Variants in MAN1C1 observed in about 807,000 individuals in gnomAD.
MAN1C1 encodes mannosidase alpha class 1C member 1.
Under a neutral mutation model 71.5 loss-of-function variants are expected in MAN1C1, and 49 were observed. The ratio of observed to expected loss-of-function variants is 0.69; its 90% CI spans 0.54 to 0.87. The LOEUF is 0.87. Among genes scored for constraint, MAN1C1 ranks in the 40% least tolerant of loss-of-function variants. The pLI, the probability that MAN1C1 is intolerant of heterozygous loss-of-function variation, is 0.00. For missense variants in MAN1C1, 743 were observed against 835.0 expected (o/e 0.89, Z 1.36); for synonymous variants, 352 against 343.7 (o/e 1.02, Z -0.27).
chr1:25,754,725 G>A (rs780766600), intron 5 of MAN1C1, among the ~76,000 whole-genome samples: 18 of 152,160 alleles, frequency 1.2e-4, no homozygotes, highest in Non-Finnish European at 2.2e-4. Context: ...CGGGTCTGGG[G>A]TAGGACATCA....
chr1:25,666,218 T>C (rs908412403), intron 1 of MAN1C1, among the ~76,000 whole-genome samples: 1 of 152,216 alleles, frequency 6.6e-6, no homozygotes, highest in Non-Finnish European at 1.5e-5. Flanking sequence ...TTTAGACTTT[T>C]AACGGTTTAA....
intron 7 of MAN1C1, among the ~76,000 whole-genome samples, chr1:25,768,035 C>T (rs1191219659): frequency 1.6e-5 from 2 of 124,754 alleles, no homozygotes; most frequent in African/African-American, 6.5e-5. Flanking sequence ...ACCCACACTC[C>T]CCTCACATAC....
At chr1:25,690,700 A>C (rs1230584879) in intron 2 of MAN1C1, among the ~76,000 whole-genome samples, 1 of 151,996 alleles carries the variant, frequency 6.6e-6, no homozygotes. Flanking sequence ...CTGGGTGGAA[A>C]CTCTGGGTTA....
chr1:25,671,515 A>G (rs1398217306), intron 1 of MAN1C1, among the ~76,000 whole-genome samples: 1 of 152,186 alleles, frequency 6.6e-6, no homozygotes, highest in Admixed American at 6.5e-5. Context: ...GGTGTTAGGT[A>G]TTGTCACTGA....
Position 25,730,016 on chromosome 1 carries a change from T to A in MAN1C1, c.638-16652T>A, listed in dbSNP as rs573139087. 6.6e-6 allele frequency among the ~76,000 whole-genome samples: 1 copy of A among 152,210 alleles called. No individual in the cohort carries two copies. The highest frequency in any genetic ancestry group is 6.5e-5 in the Admixed American group (1 of 15,286). On this transcript the variant is annotated intron_variant, in intron 2 of 11. Coordinates refer to ENST00000374332, the MANE Select transcript of MAN1C1 (RefSeq NM_020379.4). This position sits in a 1 kb window ranked among gnomAD's most constrained non-coding sequence, Gnocchi z 4.3. ...TTTACTTGCTGTTTTGCTGGGAAATTGCTTACTGTCTTTCTGAGAAAGCAG... is the reference window on the plus strand; with the variant it reads ...TTTACTTGCTGTTTTGCTGGGAAATAGCTTACTGTCTTTCTGAGAAAGCAG...
chr1:25,677,638 A>G (rs2046088454), intron 1 of MAN1C1, among the ~76,000 whole-genome samples: 1 of 152,148 alleles, frequency 6.6e-6, no homozygotes. Context: ...AGACATGGTT[A>G]TCTCTGTGCT....
At chr1:25,658,118 G>T (rs1461317822) in intron 1 of MAN1C1, among the ~76,000 whole-genome samples, 5 of 152,236 alleles carry the variant, frequency 3.3e-5, no homozygotes, top group African/African-American at 7.2e-5. Context: ...TCCTGTGCAG[G>T]GTGGCCTAGT....
intron 1 of MAN1C1, among the ~76,000 whole-genome samples, chr1:25,620,895 A>G (rs1033843841): frequency 2.0e-5 from 3 of 152,222 alleles, no homozygotes; most frequent in Non-Finnish European, 4.4e-5. Context: ...GGTTCTGGGC[A>G]TGCATATGTC....
intron 4 of MAN1C1, among the ~76,000 whole-genome samples, chr1:25,751,526 C>A (rs1304326022): frequency 6.6e-6 from 1 of 152,244 alleles, no homozygotes; most frequent in Non-Finnish European, 1.5e-5. Flanking sequence ...ACTTGAAAAA[C>A]AGCTCAAAAG....
Position 25,778,421 on chromosome 1 carries a change from C to G in MAN1C1, c.1477+97C>G. The G allele has an allele frequency of 1.6e-6, 2 of 1,243,824 alleles. No homozygotes were observed. The allele number at this position is 1,243,824 out of a possible 1,614,324, so 77.0% of individuals were successfully genotyped here. ...AGCAGTGAGCGAAGGGAGCACATGG[C>G]CTTAGGGAAGCCTCCCCTTGGAAGT... On this transcript the variant is annotated intron_variant, in intron 9 of 11. Coordinates refer to ENST00000374332, the MANE Select transcript of MAN1C1 (RefSeq NM_020379.4). This position sits in a 1 kb window ranked among gnomAD's most constrained non-coding sequence, Gnocchi z 5.5.
chr1:25,708,068 G>A (rs538086203), intron 2 of MAN1C1, among the ~76,000 whole-genome samples: 2 of 152,332 alleles, frequency 1.3e-5, no homozygotes, highest in African/African-American at 4.8e-5. Context: ...AATTTGGGGC[G>A]AGTCCATAAA....
Position 25,631,723 on chromosome 1 carries a change from C to T in MAN1C1, c.540+13386C>T, listed in dbSNP as rs1241609414. On this transcript the variant is annotated intron_variant, in intron 1 of 11. Transcript: ENST00000374332. This position sits in a 1 kb window ranked among gnomAD's most constrained non-coding sequence, Gnocchi z 4.2. The stretch of plus-strand genomic sequence containing the variant: ...GTAGTTTTCCTTATTTTTGTTATGT[C>T]CTTTCCTGGTTTTGTTATGAAAGTG... Among the ~76,000 whole-genome samples, 2 of 152,044 alleles carry T rather than the reference C, an allele frequency of 1.3e-5. No homozygotes were observed. Among genetic ancestry groups the T allele is most frequent in the Non-Finnish European group, 2.9e-5 (2 of 67,994 alleles).
chr1:25,746,067 G>A lies in MAN1C1; in HGVS notation c.638-601G>A, dbSNP rs1006972565. Among the ~76,000 whole-genome samples, 1 of 152,110 alleles carries A rather than the reference G, an allele frequency of 6.6e-6. No homozygotes were observed. The highest frequency in any genetic ancestry group is 2.4e-5 in the African/African-American group (1 of 41,428). On this transcript the variant is annotated intron_variant, in intron 2 of 11. Coordinates refer to ENST00000374332, the MANE Select transcript of MAN1C1 (RefSeq NM_020379.4). This position sits in a 1 kb window ranked among gnomAD's most constrained non-coding sequence, Gnocchi z 4.0. Reference sequence around the variant, plus strand: ...ACGCCTGTAATCCAGCACTTTGGGAGGCCGAAGTGGGTGGATCACTTGAGG... The same window carrying A: ...ACGCCTGTAATCCAGCACTTTGGGAAGCCGAAGTGGGTGGATCACTTGAGG...
intron 1 of MAN1C1, among the ~76,000 whole-genome samples, chr1:25,677,868 T>C (rs1356238714): frequency 6.7e-6 from 1 of 148,466 alleles, no homozygotes; most frequent in Non-Finnish European, 1.5e-5. Context: ...TTTTTTTTTT[T>C]TTTTTAATCA....
At chr1:25,723,232 G>A (rs557743893) in intron 2 of MAN1C1, among the ~76,000 whole-genome samples, 75 of 152,264 alleles carry the variant, frequency 4.9e-4, no homozygotes, top group Admixed American at 1.8e-3. Context: ...GCCCTCTGTC[G>A]TACTCCTTTC....
intron 2 of MAN1C1, among the ~76,000 whole-genome samples, chr1:25,738,709 T>C (rs946012030): frequency 1.3e-5 from 2 of 152,164 alleles, no homozygotes; most frequent in African/African-American, 4.8e-5. Flanking sequence ...GGCTAGAACC[T>C]CAGATGGGAC....
At position 25,764,693 on chromosome 1, in the gene MAN1C1, C is replaced by T. The variant is rs964061667; in HGVS notation, c.1141+726C>T. Among the ~76,000 whole-genome samples the T allele has an allele frequency of 2.0e-5, 3 of 151,934 alleles. No homozygotes were observed. The highest frequency in any genetic ancestry group is 1.3e-4 in the Admixed American group (2 of 15,260). ...TCGGCCTCCCAAAGTGCTGGGATTA[C>T]AGGCGTGAGCCACCACGCCTGGCTC... is the stretch of plus-strand genomic sequence containing the variant. On this transcript the variant is annotated intron_variant, in intron 7 of 11. Coordinates refer to ENST00000374332, the MANE Select transcript of MAN1C1 (RefSeq NM_020379.4). The surrounding 1 kb of genome is among the most constrained non-coding windows in gnomAD (Gnocchi z 4.4).
chr1:25,770,416 C>T (rs1452121408), intron 7 of MAN1C1, among the ~76,000 whole-genome samples: 1 of 152,212 alleles, frequency 6.6e-6, no homozygotes, highest in Non-Finnish European at 1.5e-5. Context: ...TCTGTCTTTG[C>T]CCTGTCTTTT....
In MAN1C1 at chr1:25,776,139, A is replaced by G. The variant is rs2047616347; in HGVS notation, c.1258-1966A>G. 6.6e-6 allele frequency: 1 copy of G among 152,200 alleles called. No individual in the cohort carries two copies. The highest frequency in any genetic ancestry group is 6.5e-5 in the Admixed American group (1 of 15,278). The allele number at this position is 152,200 out of a possible 1,614,324, so 9.4% of individuals were successfully genotyped here. On this transcript the variant is annotated intron_variant, in intron 8 of 11. Coordinates refer to ENST00000374332, the MANE Select transcript of MAN1C1 (RefSeq NM_020379.4). The surrounding 1 kb of genome is among the most constrained non-coding windows in gnomAD (Gnocchi z 4.3). ...TGGGCTCAAATGATCCATCTGCCTCAGCCTCCCAAAGTGCTGGGATTACAG... is the reference window on the plus strand; with the variant it reads ...TGGGCTCAAATGATCCATCTGCCTCGGCCTCCCAAAGTGCTGGGATTACAG...
Sources: allele counts gnomAD v4.1 joint callset (sites outside exome capture counted in the v4.1 genomes callset), GRCh38; gene constraint gnomAD v4.1.1; non-coding constraint Gnocchi (gnomAD v3.1); transcripts MANE v1.5; gene names NCBI Gene and HGNC (gene_info 2026-07-23, HGNC 2026-07-21).